Variants in GRK5 observed in about 807,000 individuals in gnomAD.
GRK5 encodes the protein g protein-coupled receptor kinase GRK5.
In GRK5, 40 loss-of-function variants were observed where a neutral mutation model predicts 78.4. The ratio of observed to expected loss-of-function variants is 0.51; its 90% CI spans 0.40 to 0.66. GRK5 has a LOEUF of 0.66. Ranked by LOEUF, GRK5 falls within the 30% of genes least tolerant of loss-of-function variation. The probability of loss-of-function intolerance (pLI) is 0.00; values close to 1 mark genes in which losing one functional copy is unlikely to be tolerated. For synonymous variants in GRK5, 289 were observed against 296.8 expected, an observed-to-expected ratio of 0.97 and a Z score of 0.27; for missense variants, 598 against 759.9, an observed-to-expected ratio of 0.79 and a Z score of 2.50.
intron 2 of GRK5, chr10:119,335,139 T>TCTCTCC (rs1850854522): frequency 8.0e-6 from 1 of 125,242 alleles, no homozygotes; most frequent in African/African-American, 3.6e-5. Context: ...CCTCTCTCTC[T>TCTCTCC]CTCTCTCTCT....
chr10:119,385,849 G>C (rs1427804707), intron 3 of GRK5, among the ~76,000 whole-genome samples: 2 of 151,860 alleles, frequency 1.3e-5, no homozygotes, highest in African/African-American at 2.4e-5. Flanking sequence ...AGAAAGATCT[G>C]GGCTGGAAAT....
intron 2 of GRK5, among the ~76,000 whole-genome samples, chr10:119,337,279 G>A (rs966620173): frequency 3.9e-5 from 6 of 152,168 alleles, no homozygotes; most frequent in African/African-American, 1.4e-4. Context: ...TCTTGCCAGG[G>A]TCTTCCCATG....
chr10:119,267,894 A>G lies in GRK5; in HGVS notation c.53-58622A>G, dbSNP rs1453087488. On this transcript the variant is annotated intron_variant, in intron 1 of 15. Coordinates refer to ENST00000392870, the MANE Select transcript of GRK5 (RefSeq NM_005308.3). The surrounding 1 kb of genome is among the most constrained non-coding windows in gnomAD (Gnocchi z 4.1). Reference sequence around the variant, plus strand: ...AGCCCAGCCAGGTCCAAAACCCTACATGCTGCCTCATAGGAAATGGGGTCC... The same window carrying G: ...AGCCCAGCCAGGTCCAAAACCCTACGTGCTGCCTCATAGGAAATGGGGTCC... Among the ~76,000 whole-genome samples the G allele has an allele frequency of 1.3e-5, 2 of 152,126 alleles. No homozygotes were observed. The highest frequency in any genetic ancestry group is 3.9e-4 in the East Asian group (2 of 5,188).
chr10:119,385,865 A>C (rs1851785949), intron 3 of GRK5, among the ~76,000 whole-genome samples: 1 of 151,890 alleles, frequency 6.6e-6, no homozygotes. Flanking sequence ...GAAATGGAAA[A>C]TTGGGAGTTG....
chr10:119,244,636 AG>A (rs1366762725), intron 1 of GRK5, among the ~76,000 whole-genome samples: 1 of 152,218 alleles, frequency 6.6e-6, no homozygotes, highest in Non-Finnish European at 1.5e-5. Flanking sequence ...CAGGAGGCTG[AG>A]GTGGGAGGAT....
rs764486016 is a variant in GRK5 at position 119,386,261 on chromosome 10, C to T, written c.261+5334C>T. 9.2e-5 allele frequency among the ~76,000 whole-genome samples: 14 copies of T among 152,156 alleles called. No homozygotes were observed. In the East Asian group the frequency reaches 1.7e-3, roughly 19 times the overall value. On this transcript the variant is annotated intron_variant, in intron 3 of 15. Transcript: ENST00000392870. Reference sequence around the variant, plus strand: ...GGAGCTCACCAAGGAAACAAATCCACGTGGATGGAGAAGCGTGAGGACAAA... The same window carrying T: ...GGAGCTCACCAAGGAAACAAATCCATGTGGATGGAGAAGCGTGAGGACAAA...
At chr10:119,272,148 G>A (rs1849592325) in intron 1 of GRK5, among the ~76,000 whole-genome samples, 2 of 152,206 alleles carry the variant, frequency 1.3e-5, no homozygotes, top group African/African-American at 2.4e-5. Context: ...ACCCTGTGCC[G>A]GCTGAATCGC....
At chr10:119,453,369 T>A in intron 15 of GRK5, 93 bp downstream of exon 15, 1 of 1,415,342 alleles carries the variant, frequency 7.1e-7, no homozygotes, top group South Asian at 1.2e-5. Context: ...TAGAGACCCT[T>A]GGAAGGCTTG....
intron 1 of GRK5, among the ~76,000 whole-genome samples, chr10:119,240,346 G>T (rs996275831): frequency 6.6e-6 from 1 of 151,346 alleles, no homozygotes; most frequent in South Asian, 2.1e-4. Context: ...GACTACAGGC[G>T]CCTGCTACCA....
At chr10:119,232,602 C>T (rs1011858256) in intron 1 of GRK5, among the ~76,000 whole-genome samples, 2 of 152,102 alleles carry the variant, frequency 1.3e-5, no homozygotes, top group African/African-American at 4.8e-5. Flanking sequence ...CCATGCTGTT[C>T]TCGTGATAGT....
intron 5 of GRK5, among the ~76,000 whole-genome samples, chr10:119,424,668 C>A (rs1287257031): frequency 1.3e-5 from 2 of 150,676 alleles, no homozygotes; most frequent in Admixed American, 6.6e-5. Flanking sequence ...CAAACTCATT[C>A]ATGATGACAT....
At chr10:119,307,134 G>A (rs564896714) in intron 1 of GRK5, among the ~76,000 whole-genome samples, 1 of 152,086 alleles carries the variant, frequency 6.6e-6, no homozygotes, top group Non-Finnish European at 1.5e-5. Context: ...TCAGCTCATT[G>A]ATGCCTATAT....
intron 2 of GRK5, among the ~76,000 whole-genome samples, chr10:119,328,317 G>T (rs1163213717): frequency 6.6e-6 from 1 of 152,188 alleles, no homozygotes; most frequent in African/African-American, 2.4e-5. Context: ...TTTGCAGGGG[G>T]CCTTCAGAGA....
intron 1 of GRK5, among the ~76,000 whole-genome samples, chr10:119,244,281 A>G (rs1849071937): frequency 6.6e-6 from 1 of 152,276 alleles, no homozygotes; most frequent in Non-Finnish European, 1.5e-5. Context: ...ATTCTAATAG[A>G]CCATAAGACA....
rs1328983387 is a variant in GRK5 at position 119,459,032 on chromosome 10, AGGT to A, written c.*3969_*3971del. ...CCTCCTGAATACCTGTACTTCCAAG[AGGT>A]GGTCTCCTGTTTTCATAACCCAACA... On this transcript the variant is annotated 3_prime_UTR_variant, in exon 16 of 16. Transcript: ENST00000392870. 6.6e-6 allele frequency: 1 copy of A among 152,222 alleles called. No individual in the cohort carries two copies. Among genetic ancestry groups the A allele is most frequent in the Non-Finnish European group, 1.5e-5 (1 of 68,052 alleles). 9.4% of individuals were successfully genotyped at this position (152,222 alleles called of 1,614,324 possible). A position where few individuals can be genotyped will look rare whatever the true frequency, so the allele number is the denominator to read the frequency against.
At chr10:119,240,189 CT>C (rs55905745) in intron 1 of GRK5, among the ~76,000 whole-genome samples, 388 of 70,088 alleles carry the variant, frequency 5.5e-3, no homozygotes, top group South Asian at 7.7e-3. Context: ...TGTTTCCCGA[CT>C]TTTTTTTTTT....
intron 1 of GRK5, among the ~76,000 whole-genome samples, chr10:119,270,824 TGCAG>T (rs1849571085): frequency 6.6e-6 from 1 of 152,224 alleles, no homozygotes; most frequent in Admixed American, 6.5e-5. Context: ...CAGCTCAAAC[TGCAG>T]TGTGCTTGGC....
intron 1 of GRK5, among the ~76,000 whole-genome samples, chr10:119,237,617 A>C (rs1268338017): frequency 1.3e-5 from 2 of 152,170 alleles, no homozygotes; most frequent in South Asian, 2.1e-4. Context: ...AGGAAATGAA[A>C]AGTGATAAAG....
At chr10:119,342,104 C>A (rs1051061796) in intron 2 of GRK5, among the ~76,000 whole-genome samples, 28 of 152,198 alleles carry the variant, frequency 1.8e-4, no homozygotes, top group African/African-American at 6.0e-4. Context: ...GAGATGGGCA[C>A]AGGCACGGCT....
Sources: allele counts gnomAD v4.1 joint callset (sites outside exome capture counted in the v4.1 genomes callset), GRCh38; gene constraint gnomAD v4.1.1; non-coding constraint Gnocchi (gnomAD v3.1); transcripts MANE v1.5; gene names NCBI Gene and HGNC (gene_info 2026-07-23, HGNC 2026-07-21).